RNF185: variants seen among roughly 807,000 people sequenced by gnomAD.
The protein encoded by RNF185 is ring finger protein 185, also known as E3 ubiquitin-protein ligase RNF185.
Under a neutral mutation model 24.9 loss-of-function variants are expected in RNF185, and 13 were observed. The ratio of observed to expected loss-of-function variants is 0.52; its 90% CI spans 0.34 to 0.83. The LOEUF (loss-of-function observed/expected upper bound fraction) is 0.83. Among genes scored for constraint, RNF185 ranks in the 40% least tolerant of loss-of-function variants. The pLI is 0.01. For synonymous variants in RNF185, 79 were observed against 90.3 expected, an observed-to-expected ratio of 0.88 and a Z score of 0.71; for missense variants, 184 against 244.7, an observed-to-expected ratio of 0.75 and a Z score of 1.65.
intron 5 of RNF185, among the ~76,000 whole-genome samples, chr22:31,200,670 T>C (rs1601379798): frequency 6.6e-6 from 1 of 152,218 alleles, no homozygotes. Context: ...GAGGGTGATA[T>C]ACCAAACTGC....
At chr22:31,172,915 G>A (rs1465491263) in intron 1 of RNF185, among the ~76,000 whole-genome samples, 2 of 152,158 alleles carry the variant, frequency 1.3e-5, no homozygotes, top group Non-Finnish European at 2.9e-5. Context: ...TTCTTTCATG[G>A]TGTTATACTA....
chr22:31,166,581 TCCC>T (rs1194400056), intron 1 of RNF185, among the ~76,000 whole-genome samples: 67 of 94,984 alleles, frequency 7.1e-4, no homozygotes, highest in South Asian at 1.4e-3. Context: ...TTCTTCTTCT[TCCC>T]CTTCCCCTTC....
intron 1 of RNF185, among the ~76,000 whole-genome samples, chr22:31,183,477 A>G (rs1396057270): frequency 6.6e-6 from 1 of 152,022 alleles, no homozygotes; most frequent in African/African-American, 2.4e-5. Flanking sequence ...AGGGAAGGTC[A>G]GCAGATAAAC....
intron 1 of RNF185, among the ~76,000 whole-genome samples, chr22:31,182,029 T>A (rs2048042579): frequency 6.6e-6 from 1 of 150,404 alleles, no homozygotes. Context: ...TTTAAAAAAA[T>A]GTGTCTCTAG....
chr22:31,187,337 G>T, intron 2 of RNF185, 67 bp downstream of exon 2: 2 of 1,563,056 alleles, frequency 1.3e-6, no homozygotes, highest in Non-Finnish European at 1.8e-6. Context: ...GCCCTGGGTG[G>T]TTTGGAGCAG....
intron 1 of RNF185, among the ~76,000 whole-genome samples, chr22:31,179,322 G>A (rs1191437678): frequency 1.3e-5 from 2 of 152,158 alleles, no homozygotes; most frequent in African/African-American, 4.8e-5. Context: ...GGTTCTGTAG[G>A]TGCTCAGTAG....
intron 1 of RNF185, among the ~76,000 whole-genome samples, chr22:31,184,228 C>A (rs958592941): frequency 1.3e-5 from 2 of 151,750 alleles, no homozygotes; most frequent in Non-Finnish European, 2.9e-5. Flanking sequence ...ACGCTCCTCA[C>A]CTCCCAGACG....
chr22:31,191,891 T>A (rs1036599221), intron 2 of RNF185, among the ~76,000 whole-genome samples: 9 of 152,088 alleles, frequency 5.9e-5, no homozygotes, highest in African/African-American at 2.2e-4. Context: ...ATATCATTTT[T>A]TTTTTGTATG....
intron 1 of RNF185, among the ~76,000 whole-genome samples, chr22:31,161,836 T>C (rs942688824): frequency 3.3e-5 from 5 of 151,786 alleles, no homozygotes; most frequent in South Asian, 4.1e-4. Context: ...AGTCCTCTTA[T>C]AGACTTGACT....
In RNF185 at chr22:31,168,886, T is replaced by A. The variant is rs549965350; in HGVS notation, c.-49+8583T>A. Among the ~76,000 whole-genome samples the A allele has an allele frequency of 6.0e-4, 92 of 152,260 alleles. No individual in the cohort carries two copies. In the South Asian group the frequency reaches 8.1e-3, roughly 13 times the overall value. On this transcript the variant is annotated intron_variant, in intron 1 of 6. Coordinates refer to ENST00000326132, the MANE Select transcript of RNF185 (RefSeq NM_152267.4). ...AAGAAATGTCTCTATTCAAGTCCTT[T>A]GCCCCCCCGCCCCACCACCACCCTT...
intron 1 of RNF185, among the ~76,000 whole-genome samples, chr22:31,171,281 C>T (rs1377782435): frequency 6.6e-6 from 1 of 151,596 alleles, no homozygotes; most frequent in East Asian, 1.9e-4. Flanking sequence ...GTGATTCTCC[C>T]GCCTCAGCCT....
intron 5 of RNF185, among the ~76,000 whole-genome samples, chr22:31,197,323 C>A (rs1221060995): frequency 6.6e-6 from 1 of 152,110 alleles, no homozygotes; most frequent in Non-Finnish European, 1.5e-5. Context: ...TTGTAACCCT[C>A]TCTTAAAATT....
chr22:31,184,273 A>C (rs2048073611), intron 1 of RNF185, among the ~76,000 whole-genome samples: 1 of 151,534 alleles, frequency 6.6e-6, no homozygotes, highest in Non-Finnish European at 1.5e-5. Context: ...CTCAGTTCCC[A>C]GACGGGGTCG....
chr22:31,195,406 C>G, intron 3 of RNF185, 63 bp from the exon 4 acceptor site: 2 of 1,119,372 alleles, frequency 1.8e-6, no homozygotes, highest in South Asian at 2.8e-5. Context: ...GTTCTGGTGG[C>G]TCTGGCTGAT....
intron 2 of RNF185, among the ~76,000 whole-genome samples, chr22:31,191,150 A>G (rs1179632220): frequency 6.6e-6 from 1 of 152,246 alleles, no homozygotes; most frequent in African/African-American, 2.4e-5. Context: ...ATCGTTGCTT[A>G]ATAAATGGGA....
intron 5 of RNF185, among the ~76,000 whole-genome samples, chr22:31,201,254 T>C (rs2048260751): frequency 6.6e-6 from 1 of 152,234 alleles, no homozygotes; most frequent in South Asian, 2.1e-4. Context: ...GCCAGTCCTT[T>C]TTGGCCCATT....
chr22:31,191,319 G>A (rs879245672), intron 2 of RNF185, among the ~76,000 whole-genome samples: 1 of 152,180 alleles, frequency 6.6e-6, no homozygotes, highest in Non-Finnish European at 1.5e-5. Context: ...ATTAATGTTG[G>A]AGTCAGATGT....
chr22:31,194,105 C>T (rs2147955727), intron 3 of RNF185, among the ~76,000 whole-genome samples: 1 of 151,694 alleles, frequency 6.6e-6, no homozygotes, highest in East Asian at 2.0e-4. Context: ...ACCATGTTCC[C>T]CACGCTGGTC....
intron 1 of RNF185, among the ~76,000 whole-genome samples, chr22:31,170,191 T>TG (rs1024229214): frequency 4.6e-5 from 7 of 151,674 alleles, no homozygotes; most frequent in East Asian, 3.9e-4. Flanking sequence ...TGTTTTTTTT[T>TG]TTTGTTTGTT....
Sources: gnomAD v4.1 joint callset for allele counts (sites outside exome capture counted in the v4.1 genomes callset) on GRCh38, gnomAD v4.1.1 for gene constraint, MANE v1.5 for transcripts, NCBI Gene and HGNC (gene_info 2026-07-23, HGNC 2026-07-21) for gene names.